The following THSD7B variants were observed in gnomAD, a reference collection of about 807,000 sequenced individuals.
THSD7B encodes the protein thrombospondin type-1 domain-containing protein 7B.
THSD7B carries 138 observed loss-of-function variants against 213.6 expected under a neutral mutation model. The observed-to-expected ratio is 0.65, with a 90% CI of 0.56 to 0.74. The LOEUF (loss-of-function observed/expected upper bound fraction) is 0.74. Ranked by LOEUF, THSD7B falls within the 30% of genes least tolerant of loss-of-function variation. THSD7B has a pLI of 0.00. For missense variants in THSD7B, 1,931 were observed against 1,991.5 expected (o/e 0.97, Z 0.58); for synonymous variants, 742 against 687.0 (o/e 1.08, Z -1.25).
intron 2 of THSD7B, among the ~76,000 whole-genome samples, chr2:137,001,258 A>G (rs148382795): frequency 1.3e-5 from 2 of 152,188 alleles, no homozygotes; most frequent in African/African-American, 4.8e-5. Flanking sequence ...GAGTTTTAAT[A>G]CTCTTGCATA....
At chr2:137,254,059 A>G (rs922457691) in intron 10 of THSD7B, among the ~76,000 whole-genome samples, 2 of 152,222 alleles carry the variant, frequency 1.3e-5, no homozygotes, top group Non-Finnish European at 2.9e-5. Flanking sequence ...GCTTAAATGA[A>G]ATAGATTGCT....
chr2:136,866,522 G>C (rs1368371272), intron 1 of THSD7B, among the ~76,000 whole-genome samples: 1 of 152,120 alleles, frequency 6.6e-6, no homozygotes, highest in Non-Finnish European at 1.5e-5. Flanking sequence ...AAAAGGTGGA[G>C]GGGTGTGGGG....
intron 15 of THSD7B, among the ~76,000 whole-genome samples, chr2:137,547,890 A>G (rs1350116948): frequency 2.0e-5 from 3 of 151,962 alleles, no homozygotes; most frequent in Non-Finnish European, 4.4e-5. Context: ...ATGATAAGAA[A>G]GTCTTAAAAA....
At chr2:137,562,030 C>T (rs1681129573) in intron 15 of THSD7B, among the ~76,000 whole-genome samples, 1 of 152,150 alleles carries the variant, frequency 6.6e-6, no homozygotes, top group African/African-American at 2.4e-5. Context: ...TTGCAAATCA[C>T]TTTTTCTCAT....
chr2:137,584,751 A>G (rs554017127), intron 17 of THSD7B, among the ~76,000 whole-genome samples: 1 of 152,290 alleles, frequency 6.6e-6, no homozygotes, highest in East Asian at 1.9e-4. Flanking sequence ...TATTTTATTG[A>G]GGATTTTTGC....
chr2:137,586,624 G>A (rs1681735479), intron 17 of THSD7B, among the ~76,000 whole-genome samples: 1 of 152,136 alleles, frequency 6.6e-6, no homozygotes, highest in African/African-American at 2.4e-5. Context: ...TGAAATTCTG[G>A]GTTGAAAATT....
chr2:136,902,669 G>A (rs1429379268), intron 2 of THSD7B, among the ~76,000 whole-genome samples: 1 of 152,184 alleles, frequency 6.6e-6, no homozygotes, highest in Admixed American at 6.5e-5. Context: ...AGAAAGTCAT[G>A]AGAAAAATAG....
At chr2:136,860,428 G>A (rs1245526805) in intron 1 of THSD7B, among the ~76,000 whole-genome samples, 1 of 152,130 alleles carries the variant, frequency 6.6e-6, no homozygotes, top group Non-Finnish European at 1.5e-5. Flanking sequence ...CTCCTTGGAT[G>A]AATAATAAGC....
intron 12 of THSD7B, among the ~76,000 whole-genome samples, chr2:137,309,889 C>T (rs59914602): frequency 0.055 from 8,431 of 152,050 alleles, 313 homozygotes; most frequent in East Asian, 0.1. Flanking sequence ...GCCGCATTTT[C>T]TTAATCTGGT....
chr2:137,396,079 G>C (rs75498317), intron 12 of THSD7B, among the ~76,000 whole-genome samples: 12,355 of 150,112 alleles, frequency 0.082, 1,069 homozygotes, highest in African/African-American at 0.22. Flanking sequence ...TCTTGCTAGC[G>C]GTCTATCAAT....
intron 10 of THSD7B, among the ~76,000 whole-genome samples, chr2:137,264,390 C>T (rs560523389): frequency 2.4e-4 from 37 of 152,072 alleles, no homozygotes; most frequent in Non-Finnish European, 4.4e-4. Context: ...GTAGCTGGGA[C>T]TACAGGCACC....
At chr2:137,193,314 AT>A (rs1666430045) in intron 7 of THSD7B, among the ~76,000 whole-genome samples, 1 of 152,250 alleles carries the variant, frequency 6.6e-6, no homozygotes, top group African/African-American at 2.4e-5. Context: ...TTGATAATTT[AT>A]AATTGCGTAA....
intron 2 of THSD7B, among the ~76,000 whole-genome samples, chr2:136,906,153 A>C (rs1008911470): frequency 6.6e-6 from 1 of 151,692 alleles, no homozygotes; most frequent in Non-Finnish European, 1.5e-5. Flanking sequence ...TTTTTTATTC[A>C]CTCTTTCATT....
intron 1 of THSD7B, among the ~76,000 whole-genome samples, chr2:136,787,018 C>T (rs796510001): frequency 1.3e-5 from 2 of 152,240 alleles, no homozygotes; most frequent in African/African-American, 4.8e-5. Flanking sequence ...GGCCAAGACA[C>T]ACAAGGTTGC....
intron 2 of THSD7B, among the ~76,000 whole-genome samples, chr2:136,945,230 G>T (rs1684915311): frequency 6.6e-6 from 1 of 152,194 alleles, no homozygotes; most frequent in South Asian, 2.1e-4. Context: ...ACTCTCTTAT[G>T]TAGAGTTTCT....
chr2:137,642,716 T>G, intron 21 of THSD7B, 83 bp downstream of exon 21: 1 of 1,476,560 alleles, frequency 6.8e-7, no homozygotes, highest in Non-Finnish European at 9.1e-7. Flanking sequence ...GCTGATGGAA[T>G]AAATTTCACA....
chr2:137,309,783 T>G (rs1683847592), intron 12 of THSD7B, among the ~76,000 whole-genome samples: 1 of 152,120 alleles, frequency 6.6e-6, no homozygotes, highest in African/African-American at 2.4e-5. Context: ...GGCGATAGTT[T>G]ACTGAGAATG....
chr2:136,964,307 C>T (rs1685278382), intron 2 of THSD7B, among the ~76,000 whole-genome samples: 1 of 152,044 alleles, frequency 6.6e-6, no homozygotes, highest in South Asian at 2.1e-4. Flanking sequence ...ATGGTGAAGT[C>T]TTAGCTACTT....
chr2:136,962,491 C>T (rs950672377), intron 2 of THSD7B, among the ~76,000 whole-genome samples: 1 of 134,832 alleles, frequency 7.4e-6, no homozygotes, highest in Non-Finnish European at 1.5e-5. Context: ...TAGGCAGAGT[C>T]GTGGAGAGTT....
Sources: allele counts gnomAD v4.1 joint callset (sites outside exome capture counted in the v4.1 genomes callset), GRCh38; gene constraint gnomAD v4.1.1; transcripts MANE v1.5; gene names NCBI Gene and HGNC (gene_info 2026-07-23, HGNC 2026-07-21).